The following SEMA6A variants were observed in gnomAD, a reference collection of about 807,000 sequenced individuals.
SEMA6A encodes semaphorin 6A.
Under a neutral mutation model 96.8 loss-of-function variants are expected in SEMA6A, and 25 were observed. The ratio of observed to expected loss-of-function variants is 0.26; its 90% CI spans 0.19 to 0.36. The LOEUF (loss-of-function observed/expected upper bound fraction) is 0.36, where lower values mean the gene tolerates loss of function less well. Among genes scored for constraint, SEMA6A ranks in the 10% least tolerant of loss-of-function variants. SEMA6A has a pLI of 1.00. For missense variants in SEMA6A, 1,363 were observed against 1,323.1 expected (o/e 1.03, Z -0.47); for synonymous variants, 612 against 518.0 (o/e 1.18, Z -2.46).
chr5:116,546,716 C>T (rs1671880889), intron 1 of SEMA6A, among the ~76,000 whole-genome samples: 1 of 152,120 alleles, frequency 6.6e-6, no homozygotes, highest in South Asian at 2.1e-4. Flanking sequence ...CTGGAAAGCC[C>T]CCACACTCAT....
chr5:116,551,134 C>A (rs1760385671), intron 1 of SEMA6A, among the ~76,000 whole-genome samples: 1 of 151,920 alleles, frequency 6.6e-6, no homozygotes, highest in Non-Finnish European at 1.5e-5. Context: ...AGATGAGGTA[C>A]ACATACAGGT....
At chr5:116,546,024 G>A (rs368183819) in intron 1 of SEMA6A, among the ~76,000 whole-genome samples, 28 of 152,340 alleles carry the variant, frequency 1.8e-4, no homozygotes, top group African/African-American at 4.8e-4. Context: ...AGATGCTTCA[G>A]TAAAATAATA....
chr5:116,501,976 A>G (rs1167528974), intron 3 of SEMA6A, among the ~76,000 whole-genome samples: 1 of 152,246 alleles, frequency 6.6e-6, no homozygotes, highest in Non-Finnish European at 1.5e-5. Flanking sequence ...TAAACAGTGG[A>G]TTATTTGAGT....
At chr5:116,554,537 C>T (rs984631213) in intron 1 of SEMA6A, among the ~76,000 whole-genome samples, 5 of 152,092 alleles carry the variant, frequency 3.3e-5, no homozygotes, top group African/African-American at 7.2e-5. Flanking sequence ...TAAGATAATA[C>T]GTAACAATTT....
At chr5:116,556,452 A>G (rs1210863213) in intron 1 of SEMA6A, among the ~76,000 whole-genome samples, 1 of 152,188 alleles carries the variant, frequency 6.6e-6, no homozygotes, top group Admixed American at 6.5e-5. Context: ...ATTAATAGCT[A>G]ATTTTTATTG....
intron 1 of SEMA6A, among the ~76,000 whole-genome samples, chr5:116,567,949 G>A (rs1000018210): frequency 2.0e-5 from 3 of 152,176 alleles, no homozygotes; most frequent in Admixed American, 6.5e-5. Flanking sequence ...CTGATTTAAT[G>A]ATAATGTTGA....
chr5:116,469,498 G>A (rs1185437880), intron 17 of SEMA6A: 1 of 151,990 alleles, frequency 6.6e-6, no homozygotes, highest in Non-Finnish European at 1.5e-5. Flanking sequence ...TATATGGTCA[G>A]CCTAAGAGAA....
chr5:116,551,648 CAG>C (rs1343581091), intron 1 of SEMA6A, among the ~76,000 whole-genome samples: 67 of 152,100 alleles, frequency 4.4e-4, no homozygotes, highest in African/African-American at 1.5e-3. Context: ...CTCTGCAGGT[CAG>C]TGACATGCAG....
chr5:116,475,468 T>A (rs928079950), intron 16 of SEMA6A, 77 bp downstream of exon 16: 1 of 952,748 alleles, frequency 1.0e-6, no homozygotes, highest in Non-Finnish European at 1.6e-6. Context: ...CAGTTCCACA[T>A]GTGAGCTGAT....
chr5:116,527,331 A>T (rs1170071441), intron 1 of SEMA6A, among the ~76,000 whole-genome samples: 1 of 152,228 alleles, frequency 6.6e-6, no homozygotes, highest in Admixed American at 6.5e-5. Context: ...GGAAAAAGAA[A>T]ATTAAACATG....
intron 10 of SEMA6A, among the ~76,000 whole-genome samples, chr5:116,486,446 A>T (rs922527596): frequency 1.6e-4 from 25 of 152,232 alleles, no homozygotes; most frequent in African/African-American, 6.0e-4. Context: ...AGACAATATT[A>T]TCTAGTTTCT....
In SEMA6A at chr5:116,459,012, T is replaced by C. The variant is rs1019463669; in HGVS notation, c.1894+8571A>G. Among the ~76,000 whole-genome samples the C allele has an allele frequency of 5.9e-5, 9 of 152,258 alleles. No individual in the cohort carries two copies. In the East Asian group the frequency reaches 1.7e-3, roughly 29 times the overall value. Reference sequence around the variant, plus strand: ...CCTCAAAGAAAAGACGGAGACTACATATAGATTCCTTTTCTCGTAGGTGAC... The same window carrying C: ...CCTCAAAGAAAAGACGGAGACTACACATAGATTCCTTTTCTCGTAGGTGAC... On this transcript the variant is annotated intron_variant, in intron 18 of 18. Coordinates refer to ENST00000343348, the MANE Select transcript of SEMA6A (RefSeq NM_020796.5).
At chr5:116,488,854 C>T in intron 8 of SEMA6A, 34 bp downstream of exon 8, 2 of 1,538,352 alleles carry the variant, frequency 1.3e-6, no homozygotes, top group Admixed American at 2.0e-5. Flanking sequence ...ATTCCCCTCC[C>T]CTCCGACCCT....
At chr5:116,510,300 T>A (rs759978000) in intron 1 of SEMA6A, among the ~76,000 whole-genome samples, 1 of 152,180 alleles carries the variant, frequency 6.6e-6, no homozygotes, top group Non-Finnish European at 1.5e-5. Context: ...ACTCAAATTT[T>A]TGGACCTCAT....
chr5:116,502,487 TGATAGAA>T (rs1757932656), intron 2 of SEMA6A, 160 bp from the exon 3 acceptor site: 1 of 610,432 alleles, frequency 1.6e-6, no homozygotes, highest in East Asian at 2.8e-5. Context: ...TTAGGAAATA[TGATAGAA>T]GAGTGCTCCT....
At chr5:116,456,002 C>T (rs569940139) in intron 18 of SEMA6A, among the ~76,000 whole-genome samples, 1 of 152,150 alleles carries the variant, frequency 6.6e-6, no homozygotes, top group Admixed American at 6.5e-5. Context: ...AATGTAAGGA[C>T]AGTATTTCTA....
chr5:116,463,357 T>C (rs1755533337), intron 18 of SEMA6A, among the ~76,000 whole-genome samples: 1 of 152,224 alleles, frequency 6.6e-6, no homozygotes, highest in Non-Finnish European at 1.5e-5. Flanking sequence ...TGCTGTAGGC[T>C]ACTGCAAATT....
At chr5:116,454,029 A>C (rs1035966022) in intron 18 of SEMA6A, among the ~76,000 whole-genome samples, 1 of 152,160 alleles carries the variant, frequency 6.6e-6, no homozygotes, top group African/African-American at 2.4e-5. Flanking sequence ...TTAAGTGTGC[A>C]CTTTCCCCTC....
chr5:116,469,029 C>T (rs1359561607), intron 17 of SEMA6A: 4 of 151,412 alleles, frequency 2.6e-5, no homozygotes, highest in Middle Eastern at 3.4e-3. Flanking sequence ...TTAGACAAAA[C>T]ATATATAACA....
Sources: allele counts gnomAD v4.1 joint callset (sites outside exome capture counted in the v4.1 genomes callset), GRCh38; gene constraint gnomAD v4.1.1; transcripts MANE v1.5; gene names NCBI Gene and HGNC (gene_info 2026-07-23, HGNC 2026-07-21).